The following PIK3R6 variants were observed in gnomAD, a reference collection of about 807,000 sequenced individuals.
PIK3R6 encodes phosphoinositide 3-kinase regulatory subunit 6.
PIK3R6 carries 91 observed loss-of-function variants against 84.9 expected under a neutral mutation model. The ratio of observed to expected loss-of-function variants is 1.07; its 90% confidence interval spans 0.90 to 1.28. The LOEUF (loss-of-function observed/expected upper bound fraction) is 1.28. Ranked by LOEUF, PIK3R6 falls within the 50% of genes most tolerant of loss-of-function variation. The pLI is 0.00. For synonymous variants in PIK3R6, 416 were observed against 411.4 expected, an observed-to-expected ratio of 1.01 and a Z score of -0.13; for missense variants, 996 against 985.1, an observed-to-expected ratio of 1.01 and a Z score of -0.15.
At chr17:8,858,653 C>T (rs374942427) in intron 1 of PIK3R6, among the ~76,000 whole-genome samples, 13 of 152,142 alleles carry the variant, frequency 8.5e-5, no homozygotes, top group Admixed American at 8.5e-4. Context: ...TCATTGTATG[C>T]ACCGTGCCAT....
intron 16 of PIK3R6, 112 bp from the exon 17 acceptor site, chr17:8,822,048 G>C: frequency 3.3e-6 from 2 of 609,522 alleles, no homozygotes; most frequent in Admixed American, 3.2e-5. Flanking sequence ...CCTGCTGTGA[G>C]AGTCTTTTTT....
intron 2 of PIK3R6, among the ~76,000 whole-genome samples, chr17:8,848,188 G>C (rs1338844800): frequency 6.6e-6 from 1 of 152,106 alleles, no homozygotes; most frequent in Non-Finnish European, 1.5e-5. Flanking sequence ...TCTGGTGTCT[G>C]GTGCTTCAGC....
At chr17:8,838,536 T>C (rs1192004232) in intron 4 of PIK3R6, 28 bp downstream of exon 4, 1 of 1,567,744 alleles carries the variant, frequency 6.4e-7, no homozygotes, top group Admixed American at 1.9e-5. Flanking sequence ...TTCATCCCCG[T>C]CTTCCTCCCT....
intron 18 of PIK3R6, among the ~76,000 whole-genome samples, chr17:8,811,364 C>T (rs2087353602): frequency 6.7e-6 from 1 of 148,654 alleles, no homozygotes; most frequent in Non-Finnish European, 1.5e-5. Context: ...AGACCTCTGA[C>T]ATGCCCTGGA....
Position 8,838,652 on chromosome 17 carries a change from A to G in PIK3R6, c.101T>C (p.Met34Thr), listed in dbSNP as rs2088565487. ...QAPALQSNQG[M>T]WRWSLHKKVE... ...CTTCTTGTGCAGGGACCACCTCCAC[A>G]TGCCTGGGCCAGGAGAAAGGGGAGC... The change falls in exon 4 of 20, where the codon ATG becomes ACG. Residue 34 changes from methionine (M) to threonine (T), a missense_variant. Physicochemically the swap from Met to Thr is moderately conservative, Grantham distance 81. Coordinates refer to ENST00000619866, the MANE Select transcript of PIK3R6 (RefSeq NM_001010855.4). 2.5e-6 allele frequency: 4 copies of G among 1,598,308 alleles called. No individual in the cohort carries two copies. In the African/African-American group the frequency reaches 5.4e-5, roughly 21 times the overall value.
At chr17:8,805,893 G>C (rs377044921) in intron 18 of PIK3R6, among the ~76,000 whole-genome samples, 1 of 151,820 alleles carries the variant, frequency 6.6e-6, no homozygotes, top group East Asian at 1.9e-4. Flanking sequence ...ACTCCAGCCC[G>C]GGCAACAGAA....
chr17:8,838,468 C>A, intron 4 of PIK3R6, 96 bp downstream of exon 4: 1 of 1,131,042 alleles, frequency 8.8e-7, no homozygotes. Context: ...GCAACCAAAG[C>A]TTATGAGATA....
intron 17 of PIK3R6, among the ~76,000 whole-genome samples, chr17:8,819,923 ATATATATATATATATTTT>A (rs1320906140): frequency 1.4e-4 from 11 of 78,432 alleles, no homozygotes; most frequent in Non-Finnish European, 2.0e-4. Flanking sequence ...TATATATTTT[ATATATATATATATATTTT>A]TATATATATA....
rs112750429 is a variant in PIK3R6 at position 8,814,215 on chromosome 17, C to CTTTT, written c.1995+4864_1995+4867dup. 7.3e-3 allele frequency among the ~76,000 whole-genome samples: 625 copies of CTTTT among 85,490 alleles called. 63 individuals carry two copies. The highest frequency in any genetic ancestry group is 0.029 in the African/African-American group (589 of 20,570). The allele number at this position is 85,490 out of a possible 152,430, so 56.1% of individuals were successfully genotyped here. A position where few individuals can be genotyped will look rare whatever the true frequency, so the allele number is the denominator to read the frequency against. On this transcript the variant is annotated intron_variant, in intron 18 of 19. Coordinates refer to ENST00000619866, the MANE Select transcript of PIK3R6 (RefSeq NM_001010855.4). Reference sequence around the variant, plus strand: ...TCCACTCTTTAGTTCAGAGAGAGATCTTTTTTTTTTTTTTTTTTTTTTGAG... The same window carrying CTTTT: ...TCCACTCTTTAGTTCAGAGAGAGATCTTTTTTTTTTTTTTTTTTTTTTTTTTGAG...
chr17:8,837,903 GGGCTGGGGGAATCCCCACTTCA>G, intron 4 of PIK3R6, 32 bp from the exon 5 acceptor site: 1 of 1,593,024 alleles, frequency 6.3e-7, no homozygotes, highest in Non-Finnish European at 8.6e-7. Context: ...GACAGGTATT[GGGCTGGGGGAATCCCCACTTCA>G]TAGCGGGAGG....
rs1007567910 is a variant in PIK3R6 at position 8,851,685 on chromosome 17, CT to C, written c.-91-1801del. On this transcript the variant is annotated intron_variant, in intron 1 of 19. Coordinates refer to ENST00000619866, the MANE Select transcript of PIK3R6 (RefSeq NM_001010855.4). ...GTGGGAATTCAACATGGCATCGCCG[CT>C]GTGGAAAATCGTATGGCATGTTCTT... Among the ~76,000 whole-genome samples the C allele has an allele frequency of 7.2e-5, 11 of 152,312 alleles. 1 individual carries two copies. Among genetic ancestry groups the C allele is most frequent in the African/African-American group, 2.6e-4 (11 of 41,560 alleles).
chr17:8,846,087 G>A (rs1306053075), intron 2 of PIK3R6, among the ~76,000 whole-genome samples: 2 of 152,164 alleles, frequency 1.3e-5, no homozygotes, highest in Non-Finnish European at 2.9e-5. Flanking sequence ...GATTCATATA[G>A]TTTGAGGTCT....
At chr17:8,840,108 AATAT>A (rs1201573894) in intron 2 of PIK3R6, among the ~76,000 whole-genome samples, 1 of 150,986 alleles carries the variant, frequency 6.6e-6, no homozygotes, top group Non-Finnish European at 1.5e-5. Context: ...ATGTATATGA[AATAT>A]ATAGCCTCCA....
At chr17:8,846,848 G>A (rs1280136801) in intron 2 of PIK3R6, among the ~76,000 whole-genome samples, 2 of 152,268 alleles carry the variant, frequency 1.3e-5, no homozygotes, top group East Asian at 3.9e-4. Flanking sequence ...TAATAGCCAT[G>A]TGACTGCATT....
chr17:8,828,446 C>T, intron 11 of PIK3R6, 121 bp downstream of exon 11: 1 of 1,281,826 alleles, frequency 7.8e-7, no homozygotes, highest in South Asian at 1.4e-5. Flanking sequence ...CCTCCTCCGT[C>T]CCACCCTGGC....
chr17:8,803,107 C>T lies in PIK3R6; in HGVS notation c.*166G>A. 1 of 801,778 alleles carries T rather than the reference C, an allele frequency of 1.2e-6. No homozygotes were observed. The highest frequency in any genetic ancestry group is 1.9e-6 in the Non-Finnish European group (1 of 514,882). 49.7% of individuals were successfully genotyped at this position (801,778 alleles called of 1,614,324 possible). On this transcript the variant is annotated 3_prime_UTR_variant, in exon 20 of 20. Coordinates refer to ENST00000619866, the MANE Select transcript of PIK3R6 (RefSeq NM_001010855.4). This position sits in a 1 kb window ranked among gnomAD's most constrained non-coding sequence, Gnocchi z 5.0. ...GTAGACCTCCATGTGGGCCCTTCCT[C>T]ATCACAGTCCCCAGGGTAGGCTCCC...
chr17:8,863,367 C>T (rs1167827640), intron 1 of PIK3R6, among the ~76,000 whole-genome samples: 1 of 152,002 alleles, frequency 6.6e-6, no homozygotes, highest in Non-Finnish European at 1.5e-5. Flanking sequence ...CTGGTGAAAA[C>T]ATTTGAAATA....
rs1431737256 is a variant in PIK3R6, at chr17:8,849,810, T to G, written c.-16A>C. ...AGCTCTCCATGGGAGCCTTTGGGTG[T>G]AGGAGGAGGAGGATGTGGTTGTCTC... On this transcript the variant is annotated 5_prime_UTR_variant, in exon 2 of 20. Coordinates refer to ENST00000619866, the MANE Select transcript of PIK3R6 (RefSeq NM_001010855.4). 1 of 1,611,026 alleles carries G rather than the reference T, an allele frequency of 6.2e-7. No homozygotes were observed. Among genetic ancestry groups the G allele is most frequent in the Non-Finnish European group, 8.5e-7 (1 of 1,178,530 alleles).
At position 8,839,447 on chromosome 17, in the gene PIK3R6, T is replaced by G. The variant is rs2088600823; in HGVS notation, c.97+167A>C. On this transcript the variant is annotated intron_variant, in intron 3 of 19. Coordinates refer to ENST00000619866, the MANE Select transcript of PIK3R6 (RefSeq NM_001010855.4). This position sits in a 1 kb window ranked among gnomAD's most constrained non-coding sequence, Gnocchi z 4.2. ...GGTTGAACTAGGGAGCAGAGAAGCC[T>G]TCTCAGTCCTTCAGGCTCTAGGTAT... is the stretch of plus-strand genomic sequence containing the variant. Among the ~76,000 whole-genome samples, 1 of 152,164 alleles carries G rather than the reference T, an allele frequency of 6.6e-6. No individual in the cohort carries two copies. The highest frequency in any genetic ancestry group is 2.1e-4 in the South Asian group (1 of 4,832).
Sources: allele counts gnomAD v4.1 joint callset (sites outside exome capture counted in the v4.1 genomes callset), GRCh38; gene constraint gnomAD v4.1.1; non-coding constraint Gnocchi (gnomAD v3.1); transcripts MANE v1.5; gene names NCBI Gene and HGNC (gene_info 2026-07-23, HGNC 2026-07-21).